The following CNTRL variants were observed in gnomAD, a reference collection of about 807,000 sequenced individuals.
CNTRL encodes the protein centriolin.
In CNTRL, 233 loss-of-function variants were observed where a neutral mutation model predicts 303.7. The observed-to-expected ratio is 0.77, with a 90% CI of 0.69 to 0.86. The LOEUF is 0.86. Among genes scored for constraint, CNTRL ranks in the 40% least tolerant of loss-of-function variants. The probability of loss-of-function intolerance (pLI) is 0.00; values close to 1 mark genes in which losing one functional copy is unlikely to be tolerated. For synonymous variants in CNTRL, 900 were observed against 922.2 expected (o/e 0.98, Z 0.44); for missense variants, 2,524 against 2,650.6 (o/e 0.95, Z 1.05).
rs1044277187 is a variant in CNTRL at position 121,096,565 on chromosome 9, T to TA, written c.621+4dup. 6.3e-6 allele frequency: 9 copies of TA among 1,433,892 alleles called. No homozygotes were observed. Among genetic ancestry groups the TA allele is most frequent in the Non-Finnish European group, 8.3e-6 (9 of 1,080,890 alleles). The allele number at this position is 1,433,892 out of a possible 1,614,324, so 88.8% of individuals were successfully genotyped here. A position where few individuals can be genotyped will look rare whatever the true frequency, so the allele number is the denominator to read the frequency against. ...TTGAAAGGCAACAAGATATCATCGG[T>TA]AAGTTATTCAAAATAGCAGGAATTT... On this transcript the variant is annotated splice_region_variant and intron_variant, in intron 6 of 43. Coordinates refer to ENST00000373855, the MANE Select transcript of CNTRL (RefSeq NM_007018.6).
intron 34 of CNTRL, among the ~76,000 whole-genome samples, chr9:121,164,549 A>G (rs1397350272): frequency 2.0e-5 from 3 of 152,226 alleles, no homozygotes; most frequent in African/African-American, 7.2e-5. Context: ...CCAGACCAAA[A>G]GCAAGTCCAA....
intron 13 of CNTRL, among the ~76,000 whole-genome samples, chr9:121,124,454 A>C (rs957687053): frequency 6.6e-6 from 1 of 152,166 alleles, no homozygotes; most frequent in East Asian, 1.9e-4. Flanking sequence ...TTTAGGATCT[A>C]GTTTTGCAAT....
chr9:121,134,503 G>A (rs2051069685), intron 14 of CNTRL, among the ~76,000 whole-genome samples: 1 of 152,070 alleles, frequency 6.6e-6, no homozygotes, highest in African/African-American at 2.4e-5. Flanking sequence ...CACCATGTTG[G>A]CCAGGATGGT....
chr9:121,157,633 A>G, intron 28 of CNTRL, 33 bp downstream of exon 28: 1 of 1,606,772 alleles, frequency 6.2e-7, no homozygotes, highest in Non-Finnish European at 8.5e-7. Flanking sequence ...TGATGTATAC[A>G]TTGAGATGAA....
chr9:121,099,213 A>C (rs1037963342), intron 7 of CNTRL, among the ~76,000 whole-genome samples: 2 of 152,266 alleles, frequency 1.3e-5, no homozygotes, highest in Admixed American at 1.3e-4. Context: ...TTCCAGAGGA[A>C]CAATCAGGCA....
At position 121,138,538 on chromosome 9, in the gene CNTRL, G is replaced by C. The variant is rs923856637; in HGVS notation, c.2203-7G>C. 19 of 1,611,232 alleles carry C rather than the reference G, an allele frequency of 1.2e-5. No individual in the cohort carries two copies. The highest frequency in any genetic ancestry group is 1.6e-5 in the Non-Finnish European group (19 of 1,178,686). ...CACTTTCATGTCATTGCTTCCTATG[G>C]TGACAGTTAGAACAATCAGCCCTTC... On this transcript the variant is annotated splice_polypyrimidine_tract_variant and splice_region_variant and intron_variant, in intron 15 of 43. Transcript: ENST00000373855.
intron 27 of CNTRL, 146 bp from the exon 28 acceptor site, chr9:121,157,323 TA>T: frequency 4.3e-6 from 3 of 705,824 alleles, no homozygotes; most frequent in Non-Finnish European, 6.8e-6. Flanking sequence ...CTGAATTATT[TA>T]CCGAGAATTA....
At chr9:121,158,364 A>G (rs1364142253) in intron 30 of CNTRL, among the ~76,000 whole-genome samples, 1 of 152,198 alleles carries the variant, frequency 6.6e-6, no homozygotes, top group Admixed American at 6.5e-5. Context: ...TTTTTAGTCA[A>G]TACCAAAGTA....
chr9:121,161,915 C>G lies in CNTRL; in HGVS notation c.5149C>G (p.Leu1717Val). Reference sequence around the variant, plus strand: ...AAACCATGAGCTACAAGGTTTGAAGCTACAACATGACCAAAGGGTATCTGA... The same window carrying G: ...AAACCATGAGCTACAAGGTTTGAAGGTACAACATGACCAAAGGGTATCTGA... ...LENHELQGLK[L>V]QHDQRVSELE... Residue 1717 changes from leucine (L) to valine (V), a missense_variant, in exon 33 of 44, where the codon CTA (leucine) becomes GTA (valine). Transcript: ENST00000373855. 6.2e-7 allele frequency: 1 copy of G among 1,614,116 alleles called. No homozygotes were observed. The highest frequency in any genetic ancestry group is 8.5e-7 in the Non-Finnish European group (1 of 1,180,006).
At position 121,160,319 on chromosome 9, in the gene CNTRL, A is replaced by G; in HGVS notation, c.5089+17A>G. ...ATAAAACCGGTAAGTTTAAAGGAAA[A>G]CAATCATACAAAGTTTGAGGTTGGA... On this transcript the variant is annotated intron_variant, in intron 32 of 43. Transcript: ENST00000373855. The G allele has an allele frequency of 1.4e-6, 2 of 1,448,616 alleles. No homozygotes were observed. Among genetic ancestry groups the G allele is most frequent in the Non-Finnish European group, 1.8e-6 (2 of 1,098,798 alleles). 89.7% of individuals were successfully genotyped at this position (1,448,616 alleles called of 1,614,324 possible). A position where few individuals can be genotyped will look rare whatever the true frequency, so the allele number is the denominator to read the frequency against.
At chr9:121,140,813 C>G (rs2051467150) in intron 17 of CNTRL, 27 bp downstream of exon 17, 1 of 1,598,060 alleles carries the variant, frequency 6.3e-7, no homozygotes, top group African/African-American at 1.3e-5. Flanking sequence ...ACCTCCAAGT[C>G]TAGAGTGGGC....
In CNTRL at chr9:121,154,793, A is replaced by G. The variant is rs761052022; in HGVS notation, c.4245A>G (p.Glu1415=). 2.5e-6 allele frequency: 4 copies of G among 1,612,154 alleles called. No homozygotes were observed. The Admixed American group carries it at 6.7e-5, about 27-fold the overall frequency. The change falls in exon 27 of 44, where the codon GAA becomes GAG. Residue 1415 remains glutamate, a synonymous_variant. Coordinates refer to ENST00000373855, the MANE Select transcript of CNTRL (RefSeq NM_007018.6). ...LEIEKSLKHH[E]DIVDEIECIE... is the part of the protein sequence containing the mutation. ...TAGAAAAATCACTCAAACATCATGA[A>G]GATATTGTAGATGAAATTGAGTGCA...
intron 2 of CNTRL, among the ~76,000 whole-genome samples, chr9:121,086,193 T>A (rs562084120): frequency 3.0e-4 from 45 of 152,266 alleles, no homozygotes; most frequent in Admixed American, 6.5e-4. Flanking sequence ...ATGTATTGAG[T>A]TCCTGCTAGG....
At chr9:121,167,739 TC>T (rs2053151600) in intron 37 of CNTRL, 62 bp downstream of exon 37, 1 of 1,446,546 alleles carries the variant, frequency 6.9e-7, no homozygotes, top group African/African-American at 1.4e-5. Context: ...AGCCTATTTT[TC>T]CCCTGGCAGA....
chr9:121,155,824 A>G (rs1461314443), intron 27 of CNTRL, among the ~76,000 whole-genome samples: 2 of 152,184 alleles, frequency 1.3e-5, no homozygotes. Context: ...TCACATAGCC[A>G]AGGGCTCTTT....
chr9:121,079,160 ATAT>A (rs2048043599), intron 1 of CNTRL, among the ~76,000 whole-genome samples: 1 of 152,218 alleles, frequency 6.6e-6, no homozygotes, highest in African/African-American at 2.4e-5. Flanking sequence ...GTATTTCATA[ATAT>A]TAAAATTACT....
Position 121,102,226 on chromosome 9 carries a change from G to C in CNTRL, c.808+3654G>C, listed in dbSNP as rs578196737. ...CATGATCAAGTGGGCTTCATCCCTG[G>C]CATGCAAGGCTGGTTCAACATACAC... On this transcript the variant is annotated intron_variant, in intron 7 of 43. Transcript: ENST00000373855. 4.3e-4 allele frequency among the ~76,000 whole-genome samples: 65 copies of C among 152,236 alleles called. 1 individual carries two copies. Among genetic ancestry groups the C allele is most frequent in the African/African-American group, 1.5e-3 (62 of 41,530 alleles).
intron 7 of CNTRL, among the ~76,000 whole-genome samples, chr9:121,100,987 A>G (rs921202592): frequency 6.7e-6 from 1 of 150,242 alleles, no homozygotes; most frequent in African/African-American, 2.4e-5. Flanking sequence ...CCCACTGTCA[A>G]TGTTAGATCC....
Position 121,088,452 on chromosome 9 carries a change from G to T in CNTRL, c.126G>T (p.Glu42Asp). The T allele has an allele frequency of 1.2e-6, 2 of 1,612,924 alleles. No individual in the cohort carries two copies. Among genetic ancestry groups the T allele is most frequent in the South Asian group, 2.2e-5 (2 of 91,036 alleles). ...CACTTTCACCTTTGATTGGATCAGA[G>T]ACTCTACCTTTTCATTCTGGAGGAC... ...SRSLSPLIGSETLPFHSGGQW... is the reference protein window; with the variant it reads ...SRSLSPLIGSDTLPFHSGGQW... The change falls in exon 3 of 44, where the codon GAG becomes GAT. Residue 42 changes from glutamate (E) to aspartate (D), a missense_variant. By Grantham distance (45) the Glu-to-Asp change is conservative (BLOSUM62 2). Coordinates refer to ENST00000373855, the MANE Select transcript of CNTRL (RefSeq NM_007018.6).
Sources: gnomAD v4.1 joint callset for allele counts (sites outside exome capture counted in the v4.1 genomes callset) on GRCh38, gnomAD v4.1.1 for gene constraint, MANE v1.5 for transcripts, NCBI Gene and HGNC (gene_info 2026-07-23, HGNC 2026-07-21) for gene names.